MEMO1: variants seen among roughly 807,000 people sequenced by gnomAD.
MEMO1 encodes protein MEMO1.
A neutral mutation model predicts 45.2 loss-of-function variants in MEMO1; 6 were observed. The ratio of observed to expected loss-of-function variants is 0.13; its 90% CI spans 0.07 to 0.26. The LOEUF is 0.26. Among genes scored for constraint, MEMO1 ranks in the 10% least tolerant of loss-of-function variants. MEMO1 has a pLI of 1.00. For synonymous variants in MEMO1, 78 were observed against 124.3 expected (o/e 0.63, Z 2.48); for missense variants, 184 against 370.5 (o/e 0.50, Z 4.13).
intron 8 of MEMO1, among the ~76,000 whole-genome samples, chr2:31,874,210 A>G (rs1674220565): frequency 6.6e-6 from 1 of 152,136 alleles, no homozygotes; most frequent in South Asian, 2.1e-4. Flanking sequence ...ATAACCTATG[A>G]CCATCTCATA....
At chr2:31,937,814 T>TAA (rs1665096305) in intron 3 of MEMO1, among the ~76,000 whole-genome samples, 1 of 152,228 alleles carries the variant, frequency 6.6e-6, no homozygotes, top group Non-Finnish European at 1.5e-5. Context: ...AAAATTCATG[T>TAA]TAACCAATTA....
chr2:31,967,289 A>T lies in MEMO1; in HGVS notation c.62-23906T>A, dbSNP rs1448574515. 2.0e-5 allele frequency among the ~76,000 whole-genome samples: 3 copies of T among 151,880 alleles called. No homozygotes were observed. The East Asian group carries it at 5.8e-4, about 29-fold the overall frequency. ...CAGGTGCCCACCACCACGCCCGGCT[A>T]ATTTTTTTGTATTTTTTAGTAGAGA... is the stretch of plus-strand genomic sequence containing the variant. On this transcript the variant is annotated intron_variant, in intron 2 of 9. Transcript: ENST00000404530.
intron 2 of MEMO1, among the ~76,000 whole-genome samples, chr2:32,003,017 C>T (rs949644139): frequency 6.6e-6 from 1 of 152,066 alleles, no homozygotes; most frequent in Non-Finnish European, 1.5e-5. Flanking sequence ...TAATTCACTT[C>T]GAAACTAAAT....
chr2:31,874,918 C>CATAT (rs139337995), intron 8 of MEMO1, among the ~76,000 whole-genome samples: 18 of 151,234 alleles, frequency 1.2e-4, no homozygotes, highest in East Asian at 3.9e-4. Context: ...AGCAAGTGTA[C>CATAT]ATATATATAT....
At chr2:31,953,666 A>G (rs1457356333) in intron 2 of MEMO1, among the ~76,000 whole-genome samples, 4 of 152,032 alleles carry the variant, frequency 2.6e-5, no homozygotes, top group African/African-American at 4.8e-5. Context: ...CATGTTGCTC[A>G]GGCTGGTCTT....
chr2:31,994,152 G>C (rs1416214374), intron 2 of MEMO1, among the ~76,000 whole-genome samples: 1 of 147,926 alleles, frequency 6.8e-6, no homozygotes, highest in Non-Finnish European at 1.5e-5. Flanking sequence ...GTCAAGACAG[G>C]GTTTCACCAT....
intron 2 of MEMO1, among the ~76,000 whole-genome samples, chr2:31,966,284 G>A (rs1327335363): frequency 6.6e-6 from 1 of 152,126 alleles, no homozygotes; most frequent in Non-Finnish European, 1.5e-5. Flanking sequence ...CTTATTTTAG[G>A]ATGAACAGAA....
intron 2 of MEMO1, among the ~76,000 whole-genome samples, chr2:31,947,761 G>T (rs1252466872): frequency 6.6e-6 from 1 of 152,092 alleles, no homozygotes; most frequent in Admixed American, 6.6e-5. Context: ...TTGACTCAAA[G>T]AATATTTTCC....
At chr2:31,955,512 A>G (rs1667312646) in intron 2 of MEMO1, among the ~76,000 whole-genome samples, 2 of 152,222 alleles carry the variant, frequency 1.3e-5, no homozygotes, top group Non-Finnish European at 2.9e-5. Context: ...ACCCTAGGTG[A>G]TACTTAAACT....
chr2:31,935,951 A>G (rs545155746), intron 3 of MEMO1, among the ~76,000 whole-genome samples: 2 of 151,850 alleles, frequency 1.3e-5, no homozygotes, highest in Non-Finnish European at 2.9e-5. Flanking sequence ...ATTTTATTTT[A>G]TTTTTTATTT....
intron 2 of MEMO1, among the ~76,000 whole-genome samples, chr2:32,002,276 T>C (rs1024036358): frequency 4.8e-5 from 7 of 146,832 alleles, no homozygotes; most frequent in Non-Finnish European, 7.5e-5. Flanking sequence ...TACACATATA[T>C]ACATGTACAT....
intron 6 of MEMO1, among the ~76,000 whole-genome samples, chr2:31,909,259 A>G (rs945709591): frequency 6.6e-6 from 1 of 152,250 alleles, no homozygotes; most frequent in African/African-American, 2.4e-5. Context: ...AGACCTAGCC[A>G]GAACAATTAG....
At chr2:31,891,971 A>G in intron 7 of MEMO1, 21 bp downstream of exon 7, 1 of 1,602,930 alleles carries the variant, frequency 6.2e-7, no homozygotes, top group Non-Finnish European at 8.5e-7. Flanking sequence ...CTACCATGAT[A>G]TGTTAAAATC....
chr2:31,885,771 G>T (rs540223316), intron 7 of MEMO1, among the ~76,000 whole-genome samples: 1 of 152,236 alleles, frequency 6.6e-6, no homozygotes, highest in Admixed American at 6.5e-5. Context: ...CCCTGAAACT[G>T]GGACATAATC....
chr2:31,923,806 C>A, intron 4 of MEMO1: 1 of 1,475,010 alleles, frequency 6.8e-7, no homozygotes, highest in Non-Finnish European at 9.0e-7. Flanking sequence ...CATAAATTTC[C>A]TAAGTAAGTG....
chr2:31,946,955 G>A (rs189912332), intron 2 of MEMO1, among the ~76,000 whole-genome samples: 17 of 152,230 alleles, frequency 1.1e-4, no homozygotes, highest in African/African-American at 3.9e-4. Flanking sequence ...ACAGTAACAT[G>A]CTGTATAGGT....
At chr2:31,914,872 C>T (rs1681186810) in intron 6 of MEMO1, among the ~76,000 whole-genome samples, 1 of 151,554 alleles carries the variant, frequency 6.6e-6, no homozygotes, top group Non-Finnish European at 1.5e-5. Context: ...TAGGAAGATC[C>T]CTTGAGCCTA....
At chr2:31,907,027 A>G (rs551738375) in intron 6 of MEMO1, among the ~76,000 whole-genome samples, 1 of 152,372 alleles carries the variant, frequency 6.6e-6, no homozygotes, top group Non-Finnish European at 1.5e-5. Context: ...TAAGCCAAAT[A>G]GTTTCCTGCT....
chr2:32,001,031 G>GTTTT (rs1491301539), intron 2 of MEMO1, among the ~76,000 whole-genome samples: 1 of 121,880 alleles, frequency 8.2e-6, no homozygotes, highest in African/African-American at 3.0e-5. Flanking sequence ...CATAAATTTT[G>GTTTT]ATTTTTTTTT....
Sources: allele counts gnomAD v4.1 joint callset (sites outside exome capture counted in the v4.1 genomes callset), GRCh38; gene constraint gnomAD v4.1.1; transcripts MANE v1.5; gene names NCBI Gene and HGNC (gene_info 2026-07-23, HGNC 2026-07-21).